The following ADCY2 variants were observed in gnomAD, a reference collection of about 807,000 sequenced individuals.
The protein encoded by ADCY2 is adenylate cyclase type 2.
In ADCY2, 31 loss-of-function variants were observed where a neutral mutation model predicts 125.2. The observed-to-expected ratio is 0.25, with a 90% CI of 0.19 to 0.33. The LOEUF (loss-of-function observed/expected upper bound fraction) is 0.33. Ranked by LOEUF, ADCY2 falls within the 10% of genes least tolerant of loss-of-function variation. The pLI, the probability that ADCY2 is intolerant of heterozygous loss-of-function variation, is 1.00. For synonymous variants in ADCY2, 512 were observed against 548.4 expected, an observed-to-expected ratio of 0.93 and a Z score of 0.93; for missense variants, 904 against 1,418.2, an observed-to-expected ratio of 0.64 and a Z score of 5.82.
intron 18 of ADCY2, among the ~76,000 whole-genome samples, chr5:7,780,778 A>C (rs1008346310): frequency 6.7e-6 from 1 of 149,740 alleles, no homozygotes; most frequent in Non-Finnish European, 1.5e-5. Context: ...AGAATCATGA[A>C]AATGTCCTTT....
chr5:7,814,203 C>CA (rs1745031860), intron 22 of ADCY2, among the ~76,000 whole-genome samples: 1 of 150,614 alleles, frequency 6.6e-6, no homozygotes, highest in Non-Finnish European at 1.5e-5. Flanking sequence ...TTTCCTTTGA[C>CA]TTTTTCTGGA....
intron 4 of ADCY2, among the ~76,000 whole-genome samples, chr5:7,674,713 TA>T (rs1740057798): frequency 6.6e-6 from 1 of 152,108 alleles, no homozygotes; most frequent in Non-Finnish European, 1.5e-5. Flanking sequence ...TGGGGAGGGT[TA>T]AAAGTCAAGC....
intron 3 of ADCY2, among the ~76,000 whole-genome samples, chr5:7,623,327 A>C (rs1416438523): frequency 6.6e-6 from 1 of 152,164 alleles, no homozygotes; most frequent in Non-Finnish European, 1.5e-5. Context: ...AGGAGTTAGT[A>C]TTTTCTAACT....
chr5:7,650,862 TTC>T (rs1372019218), intron 4 of ADCY2, among the ~76,000 whole-genome samples: 4 of 152,186 alleles, frequency 2.6e-5, no homozygotes, highest in South Asian at 2.1e-4. Flanking sequence ...ACAGAAATCA[TTC>T]TCTGTTTGTA....
intron 20 of ADCY2, chr5:7,799,974 A>C (rs1184824186): frequency 6.6e-6 from 1 of 152,284 alleles, no homozygotes; most frequent in Admixed American, 6.5e-5. Flanking sequence ...ACAAAGGTAA[A>C]GTGACAGGAC....
intron 15 of ADCY2, 141 bp from the exon 16 acceptor site, chr5:7,757,308 G>T (rs893700611): frequency 9.4e-7 from 1 of 1,065,480 alleles, no homozygotes; most frequent in Non-Finnish European, 1.4e-6. Flanking sequence ...CTTCGTATGG[G>T]TCCCCAGGGG....
At chr5:7,489,580 A>G (rs775740522) in intron 2 of ADCY2, among the ~76,000 whole-genome samples, 3 of 152,138 alleles carry the variant, frequency 2.0e-5, no homozygotes, top group African/African-American at 4.8e-5. Flanking sequence ...GCCTGCCGCC[A>G]TGTAAGACAT....
chr5:7,740,833 C>T (rs1742384306), intron 14 of ADCY2, among the ~76,000 whole-genome samples: 1 of 151,896 alleles, frequency 6.6e-6, no homozygotes, highest in South Asian at 2.1e-4. Flanking sequence ...ATATTTATGT[C>T]CTTAAATGCA....
intron 4 of ADCY2, among the ~76,000 whole-genome samples, chr5:7,667,899 C>T (rs1270558903): frequency 6.6e-6 from 1 of 152,152 alleles, no homozygotes; most frequent in Non-Finnish European, 1.5e-5. Context: ...GGTGTGACTT[C>T]TGTAGAACAA....
intron 3 of ADCY2, among the ~76,000 whole-genome samples, chr5:7,591,924 T>G (rs1736860448): frequency 6.6e-6 from 1 of 152,262 alleles, no homozygotes. Flanking sequence ...TTGAAGTAAA[T>G]TTTTCAATCT....
At chr5:7,412,157 C>T (rs1739749364) in intron 1 of ADCY2, among the ~76,000 whole-genome samples, 1 of 152,024 alleles carries the variant, frequency 6.6e-6, no homozygotes, top group Non-Finnish European at 1.5e-5. Flanking sequence ...ATATCAGCAT[C>T]TTCTTGTTCC....
intron 15 of ADCY2, among the ~76,000 whole-genome samples, chr5:7,752,614 G>T (rs1742861676): frequency 1.3e-5 from 2 of 150,674 alleles, no homozygotes; most frequent in African/African-American, 4.9e-5. Context: ...AAATTATGAA[G>T]AATTAATTTT....
chr5:7,411,579 C>T (rs1436753052), intron 1 of ADCY2, among the ~76,000 whole-genome samples: 2 of 152,060 alleles, frequency 1.3e-5, no homozygotes, highest in East Asian at 3.9e-4. Flanking sequence ...CTGTAGGACC[C>T]AGACACTGTG....
intron 4 of ADCY2, among the ~76,000 whole-genome samples, chr5:7,680,247 G>A (rs1740284979): frequency 6.6e-6 from 1 of 152,122 alleles, no homozygotes; most frequent in East Asian, 1.9e-4. Context: ...TGGGTAAAGG[G>A]TACTAAAGTC....
At chr5:7,472,040 T>C (rs1425961929) in intron 2 of ADCY2, among the ~76,000 whole-genome samples, 3 of 152,186 alleles carry the variant, frequency 2.0e-5, no homozygotes, top group African/African-American at 7.2e-5. Context: ...TATTTTCACT[T>C]ATCCAACTTG....
intron 22 of ADCY2, among the ~76,000 whole-genome samples, chr5:7,814,038 T>C (rs942841957): frequency 3.3e-5 from 5 of 151,752 alleles, no homozygotes; most frequent in African/African-American, 1.2e-4. Flanking sequence ...AAAAAAATAC[T>C]AGTGAGCTAT....
chr5:7,683,843 C>A (rs2126717209), intron 4 of ADCY2, among the ~76,000 whole-genome samples: 1 of 152,308 alleles, frequency 6.6e-6, no homozygotes, highest in South Asian at 2.1e-4. Context: ...CAAATCGATA[C>A]CAATGTGCTA....
intron 6 of ADCY2, among the ~76,000 whole-genome samples, chr5:7,697,342 C>T (rs1002692766): frequency 2.6e-5 from 4 of 152,132 alleles, no homozygotes; most frequent in African/African-American, 7.2e-5. Flanking sequence ...TTGGTTTATC[C>T]ATCATTGGTC....
In ADCY2 at chr5:7,667,840, T is replaced by C. The variant is rs1187422237; in HGVS notation, c.721-22851T>C. Reference sequence around the variant, plus strand: ...GCGTTGATGGTGTAGACATGGGGTCTGCTCACTACGACAGTATCAGGGATG... The same window carrying C: ...GCGTTGATGGTGTAGACATGGGGTCCGCTCACTACGACAGTATCAGGGATG... On this transcript the variant is annotated intron_variant, in intron 4 of 24. Coordinates refer to ENST00000338316, the MANE Select transcript of ADCY2 (RefSeq NM_020546.3). 3.9e-5 allele frequency among the ~76,000 whole-genome samples: 6 copies of C among 152,224 alleles called. No homozygotes were observed. The East Asian group carries it at 9.6e-4, about 24-fold the overall frequency.
Sources: allele counts gnomAD v4.1 joint callset (sites outside exome capture counted in the v4.1 genomes callset), GRCh38; gene constraint gnomAD v4.1.1; transcripts MANE v1.5; gene names NCBI Gene and HGNC (gene_info 2026-07-23, HGNC 2026-07-21).